Variants in CDH6 observed in about 807,000 individuals in gnomAD.
CDH6 encodes cadherin-6.
Under a neutral mutation model 78.0 loss-of-function variants are expected in CDH6, and 31 were observed. The observed-to-expected ratio is 0.40, with a 90% CI of 0.30 to 0.54. CDH6 has a LOEUF of 0.54. Among genes scored for constraint, CDH6 ranks in the 20% least tolerant of loss-of-function variants. CDH6 has a pLI of 0.56. For missense variants in CDH6, 724 were observed against 975.9 expected (o/e 0.74, Z 3.44); for synonymous variants, 376 against 368.8 (o/e 1.02, Z -0.23).
At chr5:31,301,980 T>C in intron 5 of CDH6, 131 bp from the exon 6 acceptor site, 1 of 536,078 alleles carries the variant, frequency 1.9e-6, no homozygotes, top group Non-Finnish European at 3.3e-6. Flanking sequence ...CCACCATTAG[T>C]TATTTTGAGG....
intron 1 of CDH6, among the ~76,000 whole-genome samples, chr5:31,260,811 A>C (rs1345974465): frequency 6.6e-6 from 1 of 152,224 alleles, no homozygotes; most frequent in African/African-American, 2.4e-5. Context: ...TACACACACG[A>C]AACGGAACCA....
chr5:31,234,487 A>G (rs1301359771), intron 1 of CDH6, among the ~76,000 whole-genome samples: 2 of 152,194 alleles, frequency 1.3e-5, no homozygotes, highest in East Asian at 3.9e-4. Context: ...AGTGTTACTA[A>G]TAACTAGATG....
At chr5:31,238,200 A>G (rs528967460) in intron 1 of CDH6, among the ~76,000 whole-genome samples, 1 of 152,292 alleles carries the variant, frequency 6.6e-6, no homozygotes, top group East Asian at 1.9e-4. Context: ...TTAGTCTGGT[A>G]TGTAATTGTC....
chr5:31,229,069 C>G (rs1741243114), intron 1 of CDH6, among the ~76,000 whole-genome samples: 1 of 152,230 alleles, frequency 6.6e-6, no homozygotes, highest in Non-Finnish European at 1.5e-5. Context: ...ACCCGTCATA[C>G]TAACTAGCAC....
intron 7 of CDH6, 23 bp from the exon 8 acceptor site, chr5:31,313,295 T>C: frequency 6.3e-7 from 1 of 1,597,908 alleles, no homozygotes; most frequent in Non-Finnish European, 8.6e-7. Context: ...AAAGCCTTTC[T>C]TAATTCCACT....
intron 1 of CDH6, among the ~76,000 whole-genome samples, chr5:31,260,619 G>T (rs142690803): frequency 8.7e-4 from 133 of 152,176 alleles, no homozygotes; most frequent in African/African-American, 3.1e-3. Context: ...TGTTAAAATC[G>T]CTTCATCTGG....
At position 31,324,009 on chromosome 5, in the gene CDH6, G is replaced by T. The variant is rs57471923; in HGVS notation, c.*701G>T. The T allele has an allele frequency of 5.2e-6, 1 of 194,158 alleles. No individual in the cohort carries two copies. The highest frequency in any genetic ancestry group is 1.1e-5 in the Non-Finnish European group (1 of 95,144). 12.0% of individuals were successfully genotyped at this position (194,158 alleles called of 1,614,324 possible). A position where few individuals can be genotyped will look rare whatever the true frequency, so the allele number is the denominator to read the frequency against. On this transcript the variant is annotated 3_prime_UTR_variant, in exon 12 of 12. Transcript: ENST00000265071. The stretch of plus-strand genomic sequence containing the variant: ...TTGTTATATCCTAGACTAGACATGC[G>T]AAAGTTTGCCTTTGTACCATATAAA...
At chr5:31,285,795 G>C (rs1468183543) in intron 2 of CDH6, among the ~76,000 whole-genome samples, 1 of 152,054 alleles carries the variant, frequency 6.6e-6, no homozygotes, top group Non-Finnish European at 1.5e-5. Context: ...ACTTACAATT[G>C]GTCCATTTTT....
rs184797451 is a variant in CDH6, at chr5:31,328,586, C to A, written c.*5278C>A. 2 of 203,692 alleles carry A rather than the reference C, an allele frequency of 9.8e-6. No individual in the cohort carries two copies. Among genetic ancestry groups the A allele is most frequent in the Non-Finnish European group, 1.0e-5 (1 of 99,496 alleles). The allele number at this position is 203,692 out of a possible 1,614,324, so 12.6% of individuals were successfully genotyped here. The stretch of plus-strand genomic sequence containing the variant: ...TAGGCCTTATAATAAATGCTATGTG[C>A]GTCTTCAGTAGTTCCAAGCTAAAGC... On this transcript the variant is annotated 3_prime_UTR_variant, in exon 12 of 12. Transcript: ENST00000265071.
chr5:31,299,339 T>A lies in CDH6; in HGVS notation c.644-125T>A, dbSNP rs1009908150. 4.4e-6 allele frequency: 3 copies of A among 677,782 alleles called. No homozygotes were observed. In the Admixed American group the frequency reaches 7.6e-5, roughly 17 times the overall value. 42.0% of individuals were successfully genotyped at this position (677,782 alleles called of 1,614,324 possible). On this transcript the variant is annotated intron_variant, in intron 4 of 11. Coordinates refer to ENST00000265071, the MANE Select transcript of CDH6 (RefSeq NM_004932.4). Reference sequence around the variant, plus strand: ...AAGGCTGCATATAATTATTTTTATGTCACCATGACATCTGCATAGCATTTT... The same window carrying A: ...AAGGCTGCATATAATTATTTTTATGACACCATGACATCTGCATAGCATTTT...
At chr5:31,315,168 C>T (rs1561071894) in intron 8 of CDH6, among the ~76,000 whole-genome samples, 1 of 152,140 alleles carries the variant, frequency 6.6e-6, no homozygotes, top group Admixed American at 6.5e-5. Flanking sequence ...CTAAGTAACA[C>T]CTCTATTTCT....
intron 2 of CDH6, among the ~76,000 whole-genome samples, chr5:31,277,856 C>T (rs767330022): frequency 1.3e-5 from 2 of 152,094 alleles, no homozygotes; most frequent in Non-Finnish European, 2.9e-5. Context: ...AACTACCTTC[C>T]AATTTTTCCA....
chr5:31,328,369 T>C lies in CDH6; in HGVS notation c.*5061T>C, dbSNP rs1175061429. On this transcript the variant is annotated 3_prime_UTR_variant, in exon 12 of 12. Transcript: ENST00000265071. ...TCTGGAGGCACCTTCTCTAAGCTTT[T>C]AGTTTTCTATGATCTATTAGTTTAG... is the stretch of plus-strand genomic sequence containing the variant. 1 of 200,136 alleles carries C rather than the reference T, an allele frequency of 5.0e-6. No homozygotes were observed. Among genetic ancestry groups the C allele is most frequent in the East Asian group, 7.7e-5 (1 of 12,978 alleles). 12.4% of individuals were successfully genotyped at this position (200,136 alleles called of 1,614,324 possible).
chr5:31,225,673 G>A (rs1291882433), intron 1 of CDH6, among the ~76,000 whole-genome samples: 2 of 152,248 alleles, frequency 1.3e-5, no homozygotes, highest in South Asian at 2.1e-4. Flanking sequence ...AGAACAGCAA[G>A]AGGGAAGTTC....
chr5:31,243,880 C>T (rs530535975), intron 1 of CDH6, among the ~76,000 whole-genome samples: 8 of 152,298 alleles, frequency 5.3e-5, no homozygotes, highest in Admixed American at 5.2e-4. Context: ...CTTCCAATCT[C>T]ACGTATAGGT....
At chr5:31,246,112 A>G (rs1222449039) in intron 1 of CDH6, among the ~76,000 whole-genome samples, 1 of 151,736 alleles carries the variant, frequency 6.6e-6, no homozygotes, top group African/African-American at 2.4e-5. Flanking sequence ...GGGTTTCACT[A>G]TGTTGGCCAG....
intron 2 of CDH6, among the ~76,000 whole-genome samples, chr5:31,270,008 A>G (rs11948515): frequency 0.47 from 72,061 of 152,100 alleles, 17,380 homozygotes; most frequent in Middle Eastern, 0.62. Flanking sequence ...TTGAAGTTAT[A>G]TGATATAAAC....
chr5:31,204,984 T>G (rs971525515), intron 1 of CDH6, among the ~76,000 whole-genome samples: 1 of 152,196 alleles, frequency 6.6e-6, no homozygotes, highest in African/African-American at 2.4e-5. Flanking sequence ...TTTGATTCCC[T>G]GCACAGCAAA....
chr5:31,271,544 T>C (rs1205481795), intron 2 of CDH6, among the ~76,000 whole-genome samples: 1 of 152,114 alleles, frequency 6.6e-6, no homozygotes, highest in Non-Finnish European at 1.5e-5. Flanking sequence ...AAATTCTGAT[T>C]TATAAGAAAA....
Sources: allele counts gnomAD v4.1 joint callset (sites outside exome capture counted in the v4.1 genomes callset), GRCh38; gene constraint gnomAD v4.1.1; transcripts MANE v1.5; gene names NCBI Gene and HGNC (gene_info 2026-07-23, HGNC 2026-07-21).